The following RGL1 variants were observed in gnomAD, a reference collection of about 807,000 sequenced individuals.
RGL1 encodes the protein ral guanine nucleotide dissociation stimulator like 1, also known as ral guanine nucleotide dissociation stimulator-like 1.
Under a neutral mutation model 95.2 loss-of-function variants are expected in RGL1, and 24 were observed. That is an observed-to-expected ratio of 0.25 (90% CI 0.18 to 0.35). The LOEUF (loss-of-function observed/expected upper bound fraction) is 0.35. RGL1 is among the 10% of genes least tolerant of loss of function. The probability of loss-of-function intolerance (pLI) is 1.00; values close to 1 mark genes in which losing one functional copy is unlikely to be tolerated. For missense variants in RGL1, 715 were observed against 936.3 expected (o/e 0.76, Z 3.08); for synonymous variants, 329 against 344.9 (o/e 0.95, Z 0.51).
chr1:183,836,310 G>A (rs986169526), intron 2 of RGL1, among the ~76,000 whole-genome samples: 2 of 151,980 alleles, frequency 1.3e-5, no homozygotes, highest in Non-Finnish European at 2.9e-5. Flanking sequence ...GAGTGCAATG[G>A]CGCGATCTCA....
rs1650277309 is a variant in RGL1 at position 183,646,172 on chromosome 1, A to C, written c.-33+9671A>C. 2.6e-5 allele frequency among the ~76,000 whole-genome samples: 4 copies of C among 152,346 alleles called. No homozygotes were observed. In the South Asian group the frequency reaches 8.3e-4, roughly 32 times the overall value. ...TGTGGACATAGGATTTCATGAAATA[A>C]AAATAAACCTCAACAGTACTTCTTT... On this transcript the variant is annotated intron_variant, in intron 1 of 18. Coordinates refer to the RGL1 transcript ENST00000304685.
intron 2 of RGL1, among the ~76,000 whole-genome samples, chr1:183,761,146 A>G (rs958128307): frequency 3.3e-5 from 5 of 152,344 alleles, no homozygotes; most frequent in Non-Finnish European, 2.9e-5. Flanking sequence ...TGAATTATGA[A>G]TGTTCTTAAT....
intron 2 of RGL1, among the ~76,000 whole-genome samples, chr1:183,792,169 G>GT (rs140925379): frequency 2.2e-3 from 321 of 147,972 alleles, no homozygotes; most frequent in Admixed American, 4.5e-3. Context: ...GTTTTGTGGG[G>GT]TTTTTTTTTT....
chr1:183,825,440 T>C (rs1662781495), intron 2 of RGL1, among the ~76,000 whole-genome samples: 1 of 152,146 alleles, frequency 6.6e-6, no homozygotes, highest in South Asian at 2.1e-4. Context: ...GTAGCAGCAG[T>C]AACAGGCTAA....
intron 2 of RGL1, among the ~76,000 whole-genome samples, chr1:183,752,706 T>TCTTTC (rs58775038): frequency 9.1e-6 from 1 of 110,146 alleles, no homozygotes; most frequent in Non-Finnish European, 1.7e-5. Flanking sequence ...CTCTCTCTCT[T>TCTTTC]TCCCCTTTCC....
chr1:183,901,274 G>A (rs148338609), intron 11 of RGL1, among the ~76,000 whole-genome samples: 197 of 151,922 alleles, frequency 1.3e-3, no homozygotes, highest in African/African-American at 4.6e-3. Flanking sequence ...ACTTCAGCCT[G>A]GGTGACAGAG....
intron 14 of RGL1, among the ~76,000 whole-genome samples, chr1:183,907,529 C>G (rs114068760): frequency 0.022 from 3,407 of 152,330 alleles, 61 homozygotes; most frequent in Non-Finnish European, 0.033. Context: ...ACTTCCCTCT[C>G]TTACAACATT....
At chr1:183,815,522 C>T (rs922021633) in intron 2 of RGL1, among the ~76,000 whole-genome samples, 1 of 152,144 alleles carries the variant, frequency 6.6e-6, no homozygotes, top group Non-Finnish European at 1.5e-5. Context: ...TTGGGGACTT[C>T]GTAGACACTG....
At chr1:183,686,004 G>A (rs1360734587) in intron 1 of RGL1, among the ~76,000 whole-genome samples, 1 of 152,146 alleles carries the variant, frequency 6.6e-6, no homozygotes, top group Non-Finnish European at 1.5e-5. Flanking sequence ...ACACATATTA[G>A]TTTAGAGAGT....
chr1:183,875,072 A>T (rs909143847), intron 4 of RGL1, among the ~76,000 whole-genome samples: 1 of 152,258 alleles, frequency 6.6e-6, no homozygotes, highest in African/African-American at 2.4e-5. Context: ...CGAAGACAAG[A>T]TCCAGTTCTC....
intron 1 of RGL1, among the ~76,000 whole-genome samples, chr1:183,662,099 A>G (rs530953931): frequency 3.3e-5 from 5 of 150,812 alleles, no homozygotes; most frequent in East Asian, 1.9e-4. Flanking sequence ...CCCACAGCCA[A>G]TATCATACTT....
chr1:183,759,391 A>G (rs762208699), intron 2 of RGL1, among the ~76,000 whole-genome samples: 2 of 152,162 alleles, frequency 1.3e-5, no homozygotes, highest in African/African-American at 2.4e-5. Context: ...TGGGATGATT[A>G]AGGCAGATAA....
At chr1:183,829,623 C>A (rs937871114) in intron 2 of RGL1, among the ~76,000 whole-genome samples, 1 of 152,104 alleles carries the variant, frequency 6.6e-6, no homozygotes, top group Non-Finnish European at 1.5e-5. Context: ...ATAATACCCA[C>A]CTGCTTAAAA....
chr1:183,910,397 C>A (rs975001353), intron 14 of RGL1, among the ~76,000 whole-genome samples: 1 of 152,244 alleles, frequency 6.6e-6, no homozygotes, highest in Middle Eastern at 3.4e-3. Context: ...GTGCCTGGCC[C>A]CCTGTTGATT....
chr1:183,683,417 C>T (rs1459433286), intron 1 of RGL1, among the ~76,000 whole-genome samples: 1 of 152,130 alleles, frequency 6.6e-6, no homozygotes, highest in African/African-American at 2.4e-5. Context: ...TTCTCCTTTG[C>T]TTATGAAGCT....
intron 1 of RGL1, among the ~76,000 whole-genome samples, chr1:183,687,211 T>G (rs1196205822): frequency 6.6e-6 from 1 of 152,212 alleles, no homozygotes; most frequent in African/African-American, 2.4e-5. Context: ...GGATCTATTG[T>G]CTGTCTTACT....
chr1:183,863,967 C>T (rs1056139862), intron 3 of RGL1, among the ~76,000 whole-genome samples: 1 of 152,188 alleles, frequency 6.6e-6, no homozygotes, highest in Non-Finnish European at 1.5e-5. Context: ...GTATAAGTTA[C>T]TTAGTCTTTC....
chr1:183,842,467 T>C (rs962064679), intron 2 of RGL1, among the ~76,000 whole-genome samples: 2 of 152,134 alleles, frequency 1.3e-5, no homozygotes, highest in Non-Finnish European at 2.9e-5. Context: ...CCCTTTTTCC[T>C]CTCCGTCTCA....
intron 2 of RGL1, among the ~76,000 whole-genome samples, chr1:183,791,001 G>A (rs1416956012): frequency 3.9e-5 from 6 of 152,234 alleles, no homozygotes; most frequent in African/African-American, 1.2e-4. Context: ...CAGGGTAGGG[G>A]TGAGAGCTGG....
Sources: allele counts gnomAD v4.1 joint callset (sites outside exome capture counted in the v4.1 genomes callset), GRCh38; gene constraint gnomAD v4.1.1; transcripts MANE v1.5; gene names NCBI Gene and HGNC (gene_info 2026-07-23, HGNC 2026-07-21).